Variants in GPC6 observed in about 807,000 individuals in gnomAD.
The protein encoded by GPC6 is glypican 6.
In GPC6, 14 loss-of-function variants were observed where a neutral mutation model predicts 55.2. The ratio of observed to expected loss-of-function variants is 0.25; its 90% confidence interval spans 0.17 to 0.40. The LOEUF (loss-of-function observed/expected upper bound fraction) is 0.40, where lower values mean the gene tolerates loss of function less well. Ranked by LOEUF, GPC6 falls within the 10% of genes least tolerant of loss-of-function variation. The probability of loss-of-function intolerance (pLI) is 1.00; values close to 1 mark genes in which losing one functional copy is unlikely to be tolerated. For synonymous variants in GPC6, 278 were observed against 259.6 expected (o/e 1.07, Z -0.68); for missense variants, 641 against 708.5 (o/e 0.90, Z 1.08).
chr13:94,043,239 A>C (rs963414288), intron 4 of GPC6, among the ~76,000 whole-genome samples: 2 of 151,828 alleles, frequency 1.3e-5, no homozygotes, highest in African/African-American at 2.4e-5. Context: ...TGGGCACTAG[A>C]CGTGCTCGAT....
At chr13:94,361,517 T>A (rs182785399) in intron 6 of GPC6, among the ~76,000 whole-genome samples, 2 of 152,360 alleles carry the variant, frequency 1.3e-5, no homozygotes, top group East Asian at 3.9e-4. Context: ...CATTAGATGT[T>A]TCTTGAAGTG....
At chr13:93,816,849 T>C (rs947641531) in intron 2 of GPC6, among the ~76,000 whole-genome samples, 1 of 152,208 alleles carries the variant, frequency 6.6e-6, no homozygotes, top group Non-Finnish European at 1.5e-5. Context: ...ATATATACTT[T>C]CATGTCTTTT....
chr13:94,043,637 T>C (rs1315880947), intron 4 of GPC6, among the ~76,000 whole-genome samples: 2 of 151,896 alleles, frequency 1.3e-5, no homozygotes, highest in African/African-American at 4.8e-5. Flanking sequence ...CAAAGTTCAT[T>C]CTAGCCTTCT....
chr13:93,806,343 TA>T (rs1158826360), intron 2 of GPC6, among the ~76,000 whole-genome samples: 1 of 152,198 alleles, frequency 6.6e-6, no homozygotes, highest in Admixed American at 6.5e-5. Flanking sequence ...TATTCATTTT[TA>T]TTTTTTATTT....
chr13:94,282,576 G>A (rs938693009), intron 4 of GPC6, among the ~76,000 whole-genome samples: 1 of 152,212 alleles, frequency 6.6e-6, no homozygotes, highest in Non-Finnish European at 1.5e-5. Flanking sequence ...GGCTCAACTA[G>A]TCGATTCTTC....
At chr13:93,837,338 G>A (rs191027822) in intron 3 of GPC6, among the ~76,000 whole-genome samples, 2 of 152,158 alleles carry the variant, frequency 1.3e-5, no homozygotes, top group Non-Finnish European at 2.9e-5. Context: ...CTATCTAAAT[G>A]TACCATGGCT....
chr13:93,655,985 T>C (rs1278043981), intron 2 of GPC6, among the ~76,000 whole-genome samples: 1 of 152,200 alleles, frequency 6.6e-6, no homozygotes, highest in South Asian at 2.1e-4. Context: ...TTGCTAATAT[T>C]CATATCCATC....
At chr13:94,197,150 A>C (rs1292784566) in intron 4 of GPC6, among the ~76,000 whole-genome samples, 4 of 152,176 alleles carry the variant, frequency 2.6e-5, no homozygotes, top group African/African-American at 7.2e-5. Context: ...GTGAAAGAAT[A>C]GAGAGATTTG....
At chr13:93,390,096 G>C (rs1019836208) in intron 1 of GPC6, among the ~76,000 whole-genome samples, 1 of 152,064 alleles carries the variant, frequency 6.6e-6, no homozygotes, top group Admixed American at 6.6e-5. Flanking sequence ...GAGGAACTTG[G>C]AGGGTGACAA....
At chr13:94,350,741 A>C (rs1878499815) in intron 6 of GPC6, among the ~76,000 whole-genome samples, 1 of 152,182 alleles carries the variant, frequency 6.6e-6, no homozygotes, top group African/African-American at 2.4e-5. Context: ...AATGAAAAGC[A>C]AATTCCCTTT....
Position 94,354,554 on chromosome 13 carries a change from C to T in GPC6, c.1153-27860C>T, listed in dbSNP as rs553502334. 8.5e-5 allele frequency among the ~76,000 whole-genome samples: 13 copies of T among 152,284 alleles called. No homozygotes were observed. In the South Asian group the frequency reaches 2.3e-3, roughly 27 times the overall value. ...ACACTTTCCAATGCTATGTGTAGCA[C>T]AAAAAATAGCCGAAGAATTCAACTA... On this transcript the variant is annotated intron_variant, in intron 6 of 8. Coordinates refer to ENST00000377047, the MANE Select transcript of GPC6 (RefSeq NM_005708.5).
chr13:93,662,352 G>A (rs897638177), intron 2 of GPC6, among the ~76,000 whole-genome samples: 1 of 152,286 alleles, frequency 6.6e-6, no homozygotes, highest in East Asian at 1.9e-4. Flanking sequence ...CATTTAGGCT[G>A]GGGGTGGTGG....
rs370855895 is a variant in GPC6, at chr13:93,841,534, ACT to A, written c.711+10992_711+10993del. On this transcript the variant is annotated intron_variant, in intron 3 of 8. Coordinates refer to ENST00000377047, the MANE Select transcript of GPC6 (RefSeq NM_005708.5). ...AGTAATCATACCAAACAATGTTGAAACTCTACATTTTTTGTGTCTAAATCAAA... is the reference window on the plus strand; with the variant it reads ...AGTAATCATACCAAACAATGTTGAAACTACATTTTTTGTGTCTAAATCAAA... 2.1e-3 allele frequency among the ~76,000 whole-genome samples: 313 copies of A among 152,238 alleles called. 2 individuals carry two copies. Among genetic ancestry groups the A allele is most frequent in the African/African-American group, 7.3e-3 (305 of 41,548 alleles).
intron 2 of GPC6, among the ~76,000 whole-genome samples, chr13:93,824,572 C>T (rs1050431102): frequency 2.0e-5 from 3 of 151,154 alleles, no homozygotes; most frequent in Non-Finnish European, 4.4e-5. Context: ...TCTGGCAGAG[C>T]GATATTGATA....
chr13:94,342,434 CAG>C (rs969818179), intron 6 of GPC6, among the ~76,000 whole-genome samples: 1 of 152,116 alleles, frequency 6.6e-6, no homozygotes, highest in African/African-American at 2.4e-5. Flanking sequence ...CGTGTAAAGA[CAG>C]AGGCAGAGAT....
At chr13:93,987,130 C>G (rs867002832) in intron 3 of GPC6, among the ~76,000 whole-genome samples, 3 of 152,096 alleles carry the variant, frequency 2.0e-5, no homozygotes, top group Non-Finnish European at 2.9e-5. Flanking sequence ...TGATAAAGAT[C>G]AAAAGCAGTG....
At chr13:93,807,620 T>C (rs1251096753) in intron 2 of GPC6, among the ~76,000 whole-genome samples, 2 of 152,186 alleles carry the variant, frequency 1.3e-5, no homozygotes, top group Admixed American at 6.5e-5. Flanking sequence ...GAACACACTT[T>C]GAGAGCCACT....
chr13:94,239,877 A>C (rs1489020722), intron 4 of GPC6, among the ~76,000 whole-genome samples: 2 of 152,056 alleles, frequency 1.3e-5, no homozygotes, highest in Non-Finnish European at 2.9e-5. Context: ...TCGCCTTTCA[A>C]GTGTCATTTG....
chr13:93,941,821 G>A (rs576945008), intron 3 of GPC6, among the ~76,000 whole-genome samples: 3 of 152,258 alleles, frequency 2.0e-5, no homozygotes, highest in South Asian at 2.1e-4. Flanking sequence ...TAGAGAAAAG[G>A]CATTATATCC....
Sources: gnomAD v4.1 joint callset for allele counts (sites outside exome capture counted in the v4.1 genomes callset) on GRCh38, gnomAD v4.1.1 for gene constraint, MANE v1.5 for transcripts, NCBI Gene and HGNC (gene_info 2026-07-23, HGNC 2026-07-21) for gene names.